NRG3: variants seen among roughly 807,000 people sequenced by gnomAD.
The protein encoded by NRG3 is neuregulin 3.
A neutral mutation model predicts 66.9 loss-of-function variants in NRG3; 31 were observed. The observed-to-expected ratio is 0.46, with a 90% CI of 0.35 to 0.63. NRG3 has a LOEUF of 0.63. NRG3 is among the 20% of genes least tolerant of loss of function. The probability of loss-of-function intolerance (pLI) is 0.00; values close to 1 mark genes in which losing one functional copy is unlikely to be tolerated. For synonymous variants in NRG3, 393 were observed against 359.4 expected (o/e 1.09, Z -1.06); for missense variants, 910 against 878.9 (o/e 1.04, Z -0.45).
chr10:81,977,124 T>C (rs1020915869), intron 1 of NRG3, among the ~76,000 whole-genome samples: 4 of 152,214 alleles, frequency 2.6e-5, no homozygotes, highest in African/African-American at 4.8e-5. Context: ...GGTCAGGCAC[T>C]GCATTAAAAT....
At chr10:82,758,211 C>A (rs2059156760) in intron 3 of NRG3, among the ~76,000 whole-genome samples, 1 of 152,066 alleles carries the variant, frequency 6.6e-6, no homozygotes, top group East Asian at 1.9e-4. Context: ...CTGTGTTTTT[C>A]CAAGTGTCTG....
At chr10:82,542,937 A>G (rs1487465195) in intron 2 of NRG3, among the ~76,000 whole-genome samples, 1 of 150,778 alleles carries the variant, frequency 6.6e-6, no homozygotes, top group East Asian at 1.9e-4. Flanking sequence ...TGTCTCCCAG[A>G]CTGGAGCACA....
Position 82,349,388 on chromosome 10 carries a change from G to A in NRG3, c.824-9351G>A, listed in dbSNP as rs530845915. Among the ~76,000 whole-genome samples the A allele has an allele frequency of 7.7e-3, 1,168 of 151,484 alleles. 13 individuals are homozygous for A. The highest frequency in any genetic ancestry group is 0.026 in the African/African-American group (1,079 of 41,282). On this transcript the variant is annotated intron_variant, in intron 1 of 8. Coordinates refer to ENST00000372141, the MANE Select transcript of NRG3 (RefSeq NM_001010848.4). ...CAGTTAGGCTGCTCGGGGGTCAGGG[G>A]TCAGGGACCCACTTGAGGAGGCAGT...
intron 6 of NRG3, among the ~76,000 whole-genome samples, chr10:82,969,338 G>A (rs988956985): frequency 6.6e-6 from 1 of 152,124 alleles, no homozygotes. Context: ...AGATATTCAG[G>A]ATATCATCGC....
intron 4 of NRG3, among the ~76,000 whole-genome samples, chr10:82,939,183 A>G (rs983626319): frequency 2.6e-5 from 4 of 152,184 alleles, no homozygotes; most frequent in African/African-American, 9.7e-5. Context: ...TCAGCCAGAG[A>G]TGCACTGTTT....
intron 6 of NRG3, among the ~76,000 whole-genome samples, chr10:82,968,750 A>G (rs1371536862): frequency 6.6e-6 from 1 of 152,156 alleles, no homozygotes; most frequent in Non-Finnish European, 1.5e-5. Context: ...TGCTCCAGAA[A>G]TAGTTGGCTG....
chr10:82,769,540 A>C (rs2059637835), intron 3 of NRG3, among the ~76,000 whole-genome samples: 1 of 152,124 alleles, frequency 6.6e-6, no homozygotes, highest in African/African-American at 2.4e-5. Context: ...TTTAAGAGTA[A>C]AGCAGTTCTT....
Position 82,888,965 on chromosome 10 carries a change from T to A in NRG3, c.1054+23528T>A, listed in dbSNP as rs939802331. Among the ~76,000 whole-genome samples the A allele has an allele frequency of 2.0e-5, 3 of 151,998 alleles. No homozygotes were observed. In the East Asian group the frequency reaches 5.8e-4, roughly 29 times the overall value. ...CAAGGCAACTGTGACTGGAGCGGAA[T>A]GAGCAAGGGGAGGAGTTAGATGAGG... On this transcript the variant is annotated intron_variant, in intron 4 of 8. Transcript: ENST00000372141.
intron 1 of NRG3, among the ~76,000 whole-genome samples, chr10:82,027,214 A>G (rs1277582852): frequency 1.3e-5 from 2 of 152,134 alleles, no homozygotes; most frequent in Admixed American, 6.6e-5. Context: ...CACATTTTAC[A>G]TAGGAATATG....
intron 1 of NRG3, among the ~76,000 whole-genome samples, chr10:81,945,698 T>C (rs1848785124): frequency 6.6e-6 from 1 of 152,144 alleles, no homozygotes; most frequent in Admixed American, 6.6e-5. Flanking sequence ...AAGTACTAAC[T>C]CCCAGCACCT....
rs78880042 is a variant in NRG3 at position 82,070,925 on chromosome 10, T to C, written c.823+194762T>C. Among the ~76,000 whole-genome samples the C allele has an allele frequency of 1.0e-2, 1,517 of 152,292 alleles. 28 individuals are homozygous for C. Among genetic ancestry groups the C allele is most frequent in the African/African-American group, 0.034 (1,418 of 41,556 alleles). ...TATAATGTCTAAACTTATCCAGTAATTTACCTTTGTAAAATTGTTCAAAAG... is the reference window on the plus strand; with the variant it reads ...TATAATGTCTAAACTTATCCAGTAACTTACCTTTGTAAAATTGTTCAAAAG... On this transcript the variant is annotated intron_variant, in intron 1 of 8. Transcript: ENST00000372141.
At chr10:82,731,183 A>G (rs571777437) in intron 2 of NRG3, among the ~76,000 whole-genome samples, 1 of 152,086 alleles carries the variant, frequency 6.6e-6, no homozygotes, top group South Asian at 2.1e-4. Context: ...CCTGGCCAAC[A>G]TGGTGAAACC....
At chr10:82,941,134 C>A (rs548439087) in intron 4 of NRG3, among the ~76,000 whole-genome samples, 6 of 152,198 alleles carry the variant, frequency 3.9e-5, no homozygotes, top group Non-Finnish European at 5.9e-5. Context: ...CCCCCACCCC[C>A]AGGCAGCTTT....
At chr10:82,897,281 G>T (rs911990108) in intron 4 of NRG3, among the ~76,000 whole-genome samples, 2 of 152,184 alleles carry the variant, frequency 1.3e-5, no homozygotes, top group African/African-American at 4.8e-5. Flanking sequence ...ATAATCTAAT[G>T]CTTGAGAGAA....
chr10:82,665,668 C>A (rs747260581), intron 2 of NRG3, among the ~76,000 whole-genome samples: 1 of 152,086 alleles, frequency 6.6e-6, no homozygotes, highest in African/African-American at 2.4e-5. Flanking sequence ...CTTTCTTTAT[C>A]CTGCTTAGAT....
chr10:82,042,848 C>T (rs935803215), intron 1 of NRG3, among the ~76,000 whole-genome samples: 4 of 151,888 alleles, frequency 2.6e-5, no homozygotes, highest in South Asian at 2.1e-4. Context: ...GCTAGGTCAA[C>T]GTATTTTGAA....
In NRG3 at chr10:81,904,001, T is replaced by G. The variant is rs957554022; in HGVS notation, c.823+27838T>G. 4.1e-3 allele frequency among the ~76,000 whole-genome samples: 535 copies of G among 129,666 alleles called. 4 individuals carry two copies. Among genetic ancestry groups the G allele is most frequent in the African/African-American group, 0.016 (492 of 30,292 alleles). The allele number at this position is 129,666 out of a possible 152,430, so 85.1% of individuals were successfully genotyped here. A position where few individuals can be genotyped will look rare whatever the true frequency, so the allele number is the denominator to read the frequency against. ...ATATATATATATATATATATATTTT[T>G]TTTTTTTGTTTGTTTGTTTGTTTTG... On this transcript the variant is annotated intron_variant, in intron 1 of 8. Coordinates refer to ENST00000372141, the MANE Select transcript of NRG3 (RefSeq NM_001010848.4).
chr10:82,318,528 G>A (rs1004699487), intron 1 of NRG3, among the ~76,000 whole-genome samples: 4 of 152,114 alleles, frequency 2.6e-5, no homozygotes, highest in Non-Finnish European at 4.4e-5. Flanking sequence ...GACCCTTCTC[G>A]TTTGCATCTG....
intron 1 of NRG3, among the ~76,000 whole-genome samples, chr10:81,945,570 A>G (rs575186332): frequency 1.3e-5 from 2 of 152,164 alleles, no homozygotes; most frequent in Non-Finnish European, 2.9e-5. Flanking sequence ...GCAATCTTAT[A>G]CTTCAAATCT....
Sources: allele counts gnomAD v4.1 joint callset (sites outside exome capture counted in the v4.1 genomes callset), GRCh38; gene constraint gnomAD v4.1.1; transcripts MANE v1.5; gene names NCBI Gene and HGNC (gene_info 2026-07-23, HGNC 2026-07-21).